Variants in KIAA0232 observed in about 807,000 individuals in gnomAD.
KIAA0232 encodes KIAA0232.
A neutral mutation model predicts 122.0 loss-of-function variants in KIAA0232; 27 were observed. The ratio of observed to expected loss-of-function variants is 0.22; its 90% confidence interval spans 0.16 to 0.31. The LOEUF (loss-of-function observed/expected upper bound fraction) is 0.31, where lower values mean the gene tolerates loss of function less well. Ranked by LOEUF, KIAA0232 falls within the 10% of genes least tolerant of loss-of-function variation. KIAA0232 has a pLI of 1.00. For synonymous variants in KIAA0232, 613 were observed against 587.6 expected, an observed-to-expected ratio of 1.04 and a Z score of -0.63; for missense variants, 1,551 against 1,634.2, an observed-to-expected ratio of 0.95 and a Z score of 0.88.
chr4:6,782,784 T>G lies in KIAA0232; in HGVS notation c.-411T>G. 6.7e-6 allele frequency: 1 copy of G among 148,420 alleles called. No homozygotes were observed. The highest frequency in any genetic ancestry group is 1.5e-5 in the Non-Finnish European group (1 of 66,636). 9.2% of individuals were successfully genotyped at this position (148,420 alleles called of 1,614,324 possible). ...GCGCTCGGCAGCCGCCCGCAGCCCCTCGGAGCCAGAGGAGAGGCGCCCCCG... is the reference window on the plus strand; with the variant it reads ...GCGCTCGGCAGCCGCCCGCAGCCCCGCGGAGCCAGAGGAGAGGCGCCCCCG... On this transcript the variant is annotated 5_prime_UTR_variant, in exon 1 of 10. Coordinates refer to ENST00000307659, the MANE Select transcript of KIAA0232 (RefSeq NM_014743.3).
In KIAA0232 at chr4:6,819,800, T is replaced by C. The variant is rs535673659; in HGVS notation, c.-269-4385T>C. On this transcript the variant is annotated intron_variant, in intron 2 of 9. Transcript: ENST00000307659. ...TACCAAAAAGACACATGTACTCATA[T>C]GTTCATCACGGCACTATTCACACTA... Among the ~76,000 whole-genome samples, 63 of 152,302 alleles carry C rather than the reference T, an allele frequency of 4.1e-4. 2 individuals are homozygous for C. The South Asian group carries it at 0.011, about 27-fold the overall frequency.
At chr4:6,798,070 AAG>A (rs1166389436) in intron 1 of KIAA0232, among the ~76,000 whole-genome samples, 3 of 152,030 alleles carry the variant, frequency 2.0e-5, no homozygotes, top group Non-Finnish European at 4.4e-5. Context: ...AAAAAAAAAA[AAG>A]AGAGACATAA....
chr4:6,794,350 T>A (rs977216163), intron 1 of KIAA0232, among the ~76,000 whole-genome samples: 3 of 152,218 alleles, frequency 2.0e-5, no homozygotes, highest in African/African-American at 7.2e-5. Flanking sequence ...TCAGTGCTGT[T>A]GTGGTTCTGA....
chr4:6,861,461 A>G lies in KIAA0232; in HGVS notation c.1079A>G (p.Lys360Arg). ...SSSSSSSGSV[K>R]QLCKRGKRPL... Reference sequence around the variant, plus strand: ...AGCAGTAGCAGCAGTGGTTCTGTCAAACAGCTGTGCAAGCGGGGTAAGAGA... The same window carrying G: ...AGCAGTAGCAGCAGTGGTTCTGTCAGACAGCTGTGCAAGCGGGGTAAGAGA... The change falls in exon 7 of 10, where the codon AAA becomes AGA. Residue 360 changes from lysine (K) to arginine (R), a missense_variant. Physicochemically the swap from Lys to Arg is conservative, Grantham distance 26. Coordinates refer to ENST00000307659, the MANE Select transcript of KIAA0232 (RefSeq NM_014743.3). 1 of 1,614,210 alleles carries G rather than the reference A, an allele frequency of 6.2e-7. No homozygotes were observed. Among genetic ancestry groups the G allele is most frequent in the Non-Finnish European group, 8.5e-7 (1 of 1,180,032 alleles).
chr4:6,808,520 A>C (rs564775292), intron 2 of KIAA0232, among the ~76,000 whole-genome samples: 12 of 149,996 alleles, frequency 8.0e-5, no homozygotes, highest in Non-Finnish European at 1.3e-4. Context: ...GGAAGAGTAC[A>C]AGTTGCTTTA....
Position 6,882,476 on chromosome 4 carries a change from C to T in KIAA0232, c.*1510C>T, listed in dbSNP as rs1381931844. ...GTTGCCTTTTTCTTAATTGATAACA[C>T]AGAAAAGAAAGTACCATCAAAGACT... On this transcript the variant is annotated 3_prime_UTR_variant, in exon 10 of 10. Coordinates refer to ENST00000307659, the MANE Select transcript of KIAA0232 (RefSeq NM_014743.3). 9.9e-5 allele frequency: 15 copies of T among 151,974 alleles called. No homozygotes were observed. Among genetic ancestry groups the T allele is most frequent in the Admixed American group, 9.8e-4 (15 of 15,264 alleles). The allele number at this position is 151,974 out of a possible 1,614,324, so 9.4% of individuals were successfully genotyped here. A position where few individuals can be genotyped will look rare whatever the true frequency, so the allele number is the denominator to read the frequency against.
chr4:6,836,838 CAT>C lies in KIAA0232; in HGVS notation c.232-5228_232-5227del, dbSNP rs1457940915. On this transcript the variant is annotated intron_variant, in intron 3 of 9. Transcript: ENST00000307659. ...CATTTAACCCTTAGTGGACACAGCA[CAT>C]GTTTCAGAGAGCACGGGGTTGGGGG... 1.1e-3 allele frequency among the ~76,000 whole-genome samples: 174 copies of C among 152,258 alleles called. 2 individuals are homozygous for C. The highest frequency in any genetic ancestry group is 2.8e-4 in the Non-Finnish European group (19 of 68,018).
In KIAA0232 at chr4:6,824,200, TC is replaced by T; in HGVS notation, c.-252del. 1.9e-6 allele frequency: 1 copy of T among 532,510 alleles called. No individual in the cohort carries two copies. Among genetic ancestry groups the T allele is most frequent in the South Asian group, 3.2e-5 (1 of 31,544 alleles). The allele number at this position is 532,510 out of a possible 1,614,324, so 33.0% of individuals were successfully genotyped here. On this transcript the variant is annotated 5_prime_UTR_variant, in exon 3 of 10. It removes the in-frame stop codon of an upstream open reading frame in the 5' UTR. Coordinates refer to ENST00000307659, the MANE Select transcript of KIAA0232 (RefSeq NM_014743.3). ...ATTTTTGTAGGTTCTGCCGGAGACT[TC>T]CATTTGGCCTCAATGTGAAATTAAA...
chr4:6,801,207 C>A (rs2108922977), intron 1 of KIAA0232, among the ~76,000 whole-genome samples: 1 of 152,276 alleles, frequency 6.6e-6, no homozygotes, highest in African/African-American at 2.4e-5. Context: ...GCTATTAACA[C>A]TGGAAATGTG....
chr4:6,810,058 T>G (rs1717807938), intron 2 of KIAA0232, among the ~76,000 whole-genome samples: 1 of 152,150 alleles, frequency 6.6e-6, no homozygotes. Flanking sequence ...ATGTCATGTT[T>G]TACAGAATTA....
At chr4:6,826,371 T>C (rs1198384645) in intron 3 of KIAA0232, among the ~76,000 whole-genome samples, 1 of 152,222 alleles carries the variant, frequency 6.6e-6, no homozygotes, top group African/African-American at 2.4e-5. Context: ...ATGTCAAATA[T>C]GCTCCTTTAC....
chr4:6,792,825 G>A (rs886211143), intron 1 of KIAA0232, among the ~76,000 whole-genome samples: 4 of 151,934 alleles, frequency 2.6e-5, no homozygotes, highest in African/African-American at 9.7e-5. Context: ...GAGTAGCTGG[G>A]ACCACAGGTG....
intron 1 of KIAA0232, among the ~76,000 whole-genome samples, chr4:6,794,735 G>A (rs73078550): frequency 0.056 from 8,515 of 152,158 alleles, 751 homozygotes; most frequent in African/African-American, 0.19. Flanking sequence ...ACACCTAAGA[G>A]GGTTTGCTGA....
At chr4:6,807,123 C>T (rs1359455543) in intron 2 of KIAA0232, among the ~76,000 whole-genome samples, 2 of 151,814 alleles carry the variant, frequency 1.3e-5, no homozygotes, top group Admixed American at 6.6e-5. Flanking sequence ...TGGCCCTGTA[C>T]GCCTGGGCTC....
chr4:6,850,795 G>A (rs973890999), intron 4 of KIAA0232, among the ~76,000 whole-genome samples: 3 of 151,866 alleles, frequency 2.0e-5, no homozygotes, highest in Non-Finnish European at 4.4e-5. Flanking sequence ...TCAGCCTCCC[G>A]AGTAGCTGGG....
intron 1 of KIAA0232, among the ~76,000 whole-genome samples, chr4:6,793,125 TGTGA>T (rs1333518586): frequency 2.6e-5 from 4 of 152,196 alleles, no homozygotes; most frequent in Non-Finnish European, 5.9e-5. Context: ...TCCTGTTCCC[TGTGA>T]GTGACTACCA....
chr4:6,868,395 CATGTT>C (rs1421625160), intron 7 of KIAA0232, among the ~76,000 whole-genome samples: 1 of 152,180 alleles, frequency 6.6e-6, no homozygotes, highest in African/African-American at 2.4e-5. Context: ...TGACAATAAA[CATGTT>C]AAGTTATATA....
At chr4:6,835,166 A>AT (rs1316006568) in intron 3 of KIAA0232, among the ~76,000 whole-genome samples, 4 of 152,184 alleles carry the variant, frequency 2.6e-5, no homozygotes, top group Admixed American at 1.3e-4. Flanking sequence ...GAGCCTCTTC[A>AT]TGTGGGTCAG....
At chr4:6,822,868 G>A (rs1382481155) in intron 2 of KIAA0232, among the ~76,000 whole-genome samples, 2 of 149,168 alleles carry the variant, frequency 1.3e-5, no homozygotes, top group Non-Finnish European at 3.0e-5. Flanking sequence ...ATGCTGGTGC[G>A]CTGCACCCAC....
Sources: gnomAD v4.1 joint callset for allele counts (sites outside exome capture counted in the v4.1 genomes callset) on GRCh38, gnomAD v4.1.1 for gene constraint, MANE v1.5 for transcripts, NCBI Gene and HGNC (gene_info 2026-07-23, HGNC 2026-07-21) for gene names.